The following OGDH variants were observed in gnomAD, a reference collection of about 807,000 sequenced individuals.
OGDH encodes 2-oxoglutarate dehydrogenase complex component E1.
In OGDH, 38 loss-of-function variants were observed where a neutral mutation model predicts 116.6. The observed-to-expected ratio is 0.33, with a 90% CI of 0.25 to 0.43. OGDH has a LOEUF of 0.43. Among genes scored for constraint, OGDH ranks in the 20% least tolerant of loss-of-function variants. The pLI, the probability that OGDH is intolerant of heterozygous loss-of-function variation, is 1.00. For synonymous variants in OGDH, 488 were observed against 533.3 expected (o/e 0.92, Z 1.17); for missense variants, 825 against 1,357.2 (o/e 0.61, Z 6.16).
intron 2 of OGDH, among the ~76,000 whole-genome samples, chr7:44,642,871 G>A (rs951269937): frequency 2.0e-5 from 3 of 150,670 alleles, no homozygotes; most frequent in Non-Finnish European, 4.4e-5. Flanking sequence ...GCAATGAGCC[G>A]AGATTGCACT....
intron 10 of OGDH, among the ~76,000 whole-genome samples, chr7:44,691,471 G>A (rs1473306875): frequency 2.3e-4 from 34 of 150,338 alleles, no homozygotes; most frequent in Admixed American, 2.3e-3. Context: ...GGTCAAGGCT[G>A]CAGTGAGCCG....
chr7:44,642,665 T>C (rs751662789), intron 2 of OGDH, among the ~76,000 whole-genome samples: 1 of 152,222 alleles, frequency 6.6e-6, no homozygotes, highest in Non-Finnish European at 1.5e-5. Context: ...GGCTTACGCA[T>C]GTAATCCCAG....
rs550251951 is a variant in OGDH at position 44,701,165 on chromosome 7, G to A, written c.2560-378G>A. Among the ~76,000 whole-genome samples, 4 of 152,344 alleles carry A rather than the reference G, an allele frequency of 2.6e-5. No individual in the cohort carries two copies. In the South Asian group the frequency reaches 8.3e-4, roughly 32 times the overall value. On this transcript the variant is annotated intron_variant, in intron 19 of 22. Transcript: ENST00000222673. ...GTCCAAGGGCCCACAGGGCAGGACA[G>A]CCCTGGTGCTTCTTGGTGCTGGGCC...
At chr7:44,661,297 T>A (rs1289361557) in intron 4 of OGDH, among the ~76,000 whole-genome samples, 1 of 152,228 alleles carries the variant, frequency 6.6e-6, no homozygotes, top group Non-Finnish European at 1.5e-5. Context: ...AATGTTTACA[T>A]GATGCATTTT....
In OGDH at chr7:44,697,226, AC is replaced by A; in HGVS notation, c.2052-142del. ...ATTTGCTATGGGTGCTTCTGTTAAGACCTGGGTGGGGCCGACCCTGCAGCTG... is the reference window on the plus strand; with the variant it reads ...ATTTGCTATGGGTGCTTCTGTTAAGACTGGGTGGGGCCGACCCTGCAGCTG... On this transcript the variant is annotated intron_variant, in intron 15 of 22. Transcript: ENST00000222673. The surrounding 1 kb of genome is among the most constrained non-coding windows in gnomAD (Gnocchi z 6.0). The A allele has an allele frequency of 6.9e-7, 1 of 1,449,204 alleles. No homozygotes were observed. Among genetic ancestry groups the A allele is most frequent in the Non-Finnish European group, 9.4e-7 (1 of 1,063,188 alleles). 89.8% of individuals were successfully genotyped at this position (1,449,204 alleles called of 1,614,324 possible).
Position 44,624,310 on chromosome 7 carries a change from T to TTTTTTTAGG in OGDH, c.-27-7_-27-6insTTTTTTAGG. On this transcript the variant is annotated splice_region_variant and splice_polypyrimidine_tract_variant and intron_variant, in intron 1 of 22. Coordinates refer to ENST00000222673, the MANE Select transcript of OGDH (RefSeq NM_002541.4). ...TTTCTTGTTTTTTTTTTTTTTTTTT[T>TTTTTTTAGG]GTACAGGCAGTTGTGAAAAACTTCA... 9.1e-7 allele frequency: 1 copy of TTTTTTTAGG among 1,102,340 alleles called. No individual in the cohort carries two copies. Among genetic ancestry groups the TTTTTTTAGG allele is most frequent in the South Asian group, 2.0e-5 (1 of 51,012 alleles). 68.3% of individuals were successfully genotyped at this position (1,102,340 alleles called of 1,614,324 possible).
intron 4 of OGDH, among the ~76,000 whole-genome samples, chr7:44,656,621 G>A (rs1017943845): frequency 6.6e-5 from 10 of 151,962 alleles, no homozygotes; most frequent in African/African-American, 2.4e-4. Context: ...GTGCTTCATC[G>A]CTTCACTGTG....
At chr7:44,622,219 A>AG (rs1785036050) in intron 1 of OGDH, among the ~76,000 whole-genome samples, 1 of 152,212 alleles carries the variant, frequency 6.6e-6, no homozygotes, top group Non-Finnish European at 1.5e-5. Flanking sequence ...TAAAAAAAAA[A>AG]TAGCATAAAA....
chr7:44,672,787 C>T (rs942141122), intron 5 of OGDH, among the ~76,000 whole-genome samples: 1 of 152,020 alleles, frequency 6.6e-6, no homozygotes, highest in African/African-American at 2.4e-5. Context: ...GGATAACAGG[C>T]ACATGCCACC....
At chr7:44,653,274 G>A (rs1248927863) in intron 4 of OGDH, among the ~76,000 whole-genome samples, 1 of 152,048 alleles carries the variant, frequency 6.6e-6, no homozygotes, top group East Asian at 1.9e-4. Flanking sequence ...TGTATTTTTA[G>A]TAGAGAAGGG....
At chr7:44,662,026 A>T (rs941354552) in intron 4 of OGDH, among the ~76,000 whole-genome samples, 1 of 152,092 alleles carries the variant, frequency 6.6e-6, no homozygotes, top group African/African-American at 2.4e-5. Flanking sequence ...TGGAAACCTT[A>T]CCTCCTTTTA....
intron 10 of OGDH, among the ~76,000 whole-genome samples, chr7:44,687,642 T>TG (rs1788190480): frequency 6.6e-6 from 1 of 151,948 alleles, no homozygotes; most frequent in Non-Finnish European, 1.5e-5. Context: ...TGACTGGTCT[T>TG]GAACTCCTGA....
At chr7:44,689,764 TGTTGA>T (rs1788294050) in intron 10 of OGDH, among the ~76,000 whole-genome samples, 1 of 152,206 alleles carries the variant, frequency 6.6e-6, no homozygotes, top group African/African-American at 2.4e-5. Context: ...GTCTTTTTAT[TGTTGA>T]GTTGTAAGAG....
chr7:44,630,767 G>C (rs1310813620), intron 2 of OGDH, among the ~76,000 whole-genome samples: 1 of 152,218 alleles, frequency 6.6e-6, no homozygotes, highest in East Asian at 1.9e-4. Context: ...TGTGGCAGCA[G>C]TCCCCAACTC....
intron 1 of OGDH, among the ~76,000 whole-genome samples, chr7:44,607,337 GA>G (rs534522314): frequency 1.6e-3 from 243 of 152,292 alleles, no homozygotes; most frequent in Non-Finnish European, 2.7e-3. Flanking sequence ...TCAGACATTG[GA>G]TATGAGTTGT....
intron 1 of OGDH, among the ~76,000 whole-genome samples, chr7:44,610,920 C>T (rs914651745): frequency 6.6e-6 from 1 of 152,028 alleles, no homozygotes; most frequent in Non-Finnish European, 1.5e-5. Context: ...TTTTCATCTT[C>T]TTAACGGGGT....
chr7:44,663,755 C>T (rs114389304), intron 4 of OGDH, among the ~76,000 whole-genome samples: 99 of 152,184 alleles, frequency 6.5e-4, no homozygotes, highest in African/African-American at 2.2e-3. Flanking sequence ...GCCTGGGCAA[C>T]AGAGCGAGAT....
At chr7:44,617,259 A>C (rs1784842941) in intron 1 of OGDH, among the ~76,000 whole-genome samples, 1 of 151,922 alleles carries the variant, frequency 6.6e-6, no homozygotes, top group African/African-American at 2.4e-5. Context: ...ATATACCTTC[A>C]AGTTTTCAAA....
At chr7:44,625,094 A>G (rs930911422) in intron 2 of OGDH, among the ~76,000 whole-genome samples, 1 of 152,040 alleles carries the variant, frequency 6.6e-6, no homozygotes, top group African/African-American at 2.4e-5. Context: ...GATGTAAGTC[A>G]TGTCTTGTTT....
Sources: allele counts gnomAD v4.1 joint callset (sites outside exome capture counted in the v4.1 genomes callset), GRCh38; gene constraint gnomAD v4.1.1; non-coding constraint Gnocchi (gnomAD v3.1); transcripts MANE v1.5; gene names NCBI Gene and HGNC (gene_info 2026-07-23, HGNC 2026-07-21).